AUTS2: variants seen among roughly 807,000 people sequenced by gnomAD.
AUTS2 encodes activator of transcription and developmental regulator AUTS2.
A neutral mutation model predicts 112.4 loss-of-function variants in AUTS2; 17 were observed. The ratio of observed to expected loss-of-function variants is 0.15; its 90% CI spans 0.10 to 0.23. The LOEUF (loss-of-function observed/expected upper bound fraction) is 0.23. AUTS2 is among the 10% of genes least tolerant of loss of function. The pLI, the probability that AUTS2 is intolerant of heterozygous loss-of-function variation, is 1.00. For synonymous variants in AUTS2, 751 were observed against 702.7 expected, an observed-to-expected ratio of 1.07 and a Z score of -1.09; for missense variants, 1,510 against 1,701.6, an observed-to-expected ratio of 0.89 and a Z score of 1.98.
intron 5 of AUTS2, among the ~76,000 whole-genome samples, chr7:70,666,795 A>G (rs556442801): frequency 2.6e-5 from 4 of 152,132 alleles, no homozygotes; most frequent in Non-Finnish European, 4.4e-5. Flanking sequence ...TGTTTCTGCT[A>G]TAGTCTTTTT....
chr7:70,096,406 C>T (rs966507204), intron 2 of AUTS2, among the ~76,000 whole-genome samples: 12 of 151,350 alleles, frequency 7.9e-5, no homozygotes, highest in Admixed American at 2.6e-4. Flanking sequence ...AGACCAGCCT[C>T]GCCAACATAG....
intron 4 of AUTS2, among the ~76,000 whole-genome samples, chr7:70,393,120 G>A (rs1269223358): frequency 1.3e-5 from 2 of 152,172 alleles, no homozygotes; most frequent in African/African-American, 2.4e-5. Flanking sequence ...GCTCAGAGGG[G>A]CTCCTCTGTC....
chr7:69,710,887 A>G (rs144036391), intron 1 of AUTS2, among the ~76,000 whole-genome samples: 56 of 152,290 alleles, frequency 3.7e-4, no homozygotes, highest in African/African-American at 1.3e-3. Context: ...ACCATCTCAG[A>G]GACAGATTTG....
At chr7:70,763,877 A>G (rs563370484) in intron 7 of AUTS2, among the ~76,000 whole-genome samples, 111 of 152,302 alleles carry the variant, frequency 7.3e-4, no homozygotes, top group African/African-American at 2.5e-3. Context: ...AAGAAACAAA[A>G]CAAGCTGCAT....
intron 4 of AUTS2, among the ~76,000 whole-genome samples, chr7:70,136,481 G>A (rs1416535528): frequency 3.3e-5 from 5 of 152,164 alleles, no homozygotes; most frequent in African/African-American, 1.2e-4. Flanking sequence ...AGTATCACAT[G>A]TAATAATTTC....
chr7:70,690,859 G>A (rs956982872), intron 5 of AUTS2, among the ~76,000 whole-genome samples: 5 of 152,170 alleles, frequency 3.3e-5, no homozygotes, highest in Non-Finnish European at 5.9e-5. Context: ...TACTTGGAAG[G>A]CTGAGGCGGG....
chr7:69,712,820 A>G (rs1455675449), intron 1 of AUTS2, among the ~76,000 whole-genome samples: 2 of 152,148 alleles, frequency 1.3e-5, no homozygotes, highest in African/African-American at 4.8e-5. Flanking sequence ...TGTTAGTACC[A>G]TTTTACATTC....
At chr7:70,576,481 C>A (rs1802170498) in intron 5 of AUTS2, among the ~76,000 whole-genome samples, 1 of 152,160 alleles carries the variant, frequency 6.6e-6, no homozygotes, top group South Asian at 2.1e-4. Context: ...GGAACCTAAA[C>A]AATTAGAAGG....
chr7:70,010,855 A>T (rs187201917), intron 2 of AUTS2, among the ~76,000 whole-genome samples: 27 of 152,172 alleles, frequency 1.8e-4, no homozygotes, highest in Non-Finnish European at 5.9e-5. Context: ...CTTCACCTGG[A>T]CATCTGTGGA....
chr7:69,786,888 C>CA (rs1245300899), intron 1 of AUTS2, among the ~76,000 whole-genome samples: 1 of 152,050 alleles, frequency 6.6e-6, no homozygotes, highest in African/African-American at 2.4e-5. Context: ...TGTATTGTTT[C>CA]AAAAAAACTT....
At chr7:70,043,559 T>C (rs1417089649) in intron 2 of AUTS2, among the ~76,000 whole-genome samples, 11 of 50,646 alleles carry the variant, frequency 2.2e-4, no homozygotes, top group African/African-American at 7.5e-4. Context: ...CTTCCTTCCT[T>C]CCTTCCTTCC....
chr7:70,117,696 A>G (rs1241990600), intron 2 of AUTS2, among the ~76,000 whole-genome samples: 1 of 151,972 alleles, frequency 6.6e-6, no homozygotes, highest in Non-Finnish European at 1.5e-5. Context: ...CTTGCCTGGC[A>G]GTATTCAGAA....
rs568886180 is a variant in AUTS2, at chr7:69,953,536, G to C, written c.522+54038G>C. 9.7e-4 allele frequency among the ~76,000 whole-genome samples: 147 copies of C among 152,278 alleles called. 2 individuals are homozygous for C. Among genetic ancestry groups the C allele is most frequent in the Non-Finnish European group, 1.2e-3 (83 of 68,022 alleles). On this transcript the variant is annotated intron_variant, in intron 2 of 18. Coordinates refer to ENST00000342771, the MANE Select transcript of AUTS2 (RefSeq NM_015570.4). ...TTTGTGTTTTCATTCTGATGGTTGA[G>C]TAGAAAATTACAAACAGGTTGTGTT... is the stretch of plus-strand genomic sequence containing the variant.
intron 5 of AUTS2, among the ~76,000 whole-genome samples, chr7:70,553,388 G>T (rs1029283805): frequency 1.3e-5 from 2 of 152,192 alleles, no homozygotes; most frequent in Non-Finnish European, 2.9e-5. Context: ...GGGGGAAAAT[G>T]ACACTTGGGC....
chr7:70,061,607 A>G (rs1487458349), intron 2 of AUTS2, among the ~76,000 whole-genome samples: 2 of 152,298 alleles, frequency 1.3e-5, no homozygotes, highest in East Asian at 3.9e-4. Flanking sequence ...TTACTGTAAC[A>G]TAAATAATAA....
intron 5 of AUTS2, among the ~76,000 whole-genome samples, chr7:70,445,846 T>C (rs1796297402): frequency 1.3e-5 from 2 of 152,144 alleles, no homozygotes; most frequent in Non-Finnish European, 2.9e-5. Context: ...TAAATATTAG[T>C]GTTATACCCA....
intron 1 of AUTS2, among the ~76,000 whole-genome samples, chr7:69,824,025 A>G (rs1359388125): frequency 1.3e-5 from 2 of 152,176 alleles, no homozygotes; most frequent in Admixed American, 1.3e-4. Context: ...AATAATACCA[A>G]CCTCACTGAG....
In AUTS2 at chr7:70,070,877, GA is replaced by G. The variant is rs549466401; in HGVS notation, c.523-47239del. 3.8e-3 allele frequency among the ~76,000 whole-genome samples: 386 copies of G among 100,888 alleles called. 5 individuals are homozygous for G. Among genetic ancestry groups the G allele is most frequent in the South Asian group, 0.012 (35 of 2,914 alleles). 66.2% of individuals were successfully genotyped at this position (100,888 alleles called of 152,430 possible). ...CGGGCGACACAGGGAGACTCCATCT[GA>G]AAAAAAAAAAAAAAAGAAAGGGAGA... On this transcript the variant is annotated intron_variant, in intron 2 of 18. Transcript: ENST00000342771.
At chr7:69,917,655 C>T (rs981100857) in intron 2 of AUTS2, among the ~76,000 whole-genome samples, 1 of 152,036 alleles carries the variant, frequency 6.6e-6, no homozygotes, top group African/African-American at 2.4e-5. Context: ...TCCCTCACTC[C>T]CCTCTCACTC....
Sources: allele counts gnomAD v4.1 joint callset (sites outside exome capture counted in the v4.1 genomes callset), GRCh38; gene constraint gnomAD v4.1.1; transcripts MANE v1.5; gene names NCBI Gene and HGNC (gene_info 2026-07-23, HGNC 2026-07-21).